The following USP13 variants were observed in gnomAD, a reference collection of about 807,000 sequenced individuals.
USP13 encodes the protein ubiquitin carboxyl-terminal hydrolase 13.
Under a neutral mutation model 107.8 loss-of-function variants are expected in USP13, and 68 were observed. The observed-to-expected ratio is 0.63, with a 90% CI of 0.52 to 0.77. The LOEUF is 0.77. Among genes scored for constraint, USP13 ranks in the 30% least tolerant of loss-of-function variants. USP13 has a pLI of 0.00. For synonymous variants in USP13, 377 were observed against 389.5 expected (o/e 0.97, Z 0.38); for missense variants, 945 against 1,093.3 (o/e 0.86, Z 1.91).
intron 6 of USP13, among the ~76,000 whole-genome samples, chr3:179,717,583 G>C (rs1479889470): frequency 1.3e-5 from 2 of 152,130 alleles, no homozygotes; most frequent in Admixed American, 6.5e-5. Context: ...ATACAGCCCT[G>C]ATCATTAGAG....
At position 179,757,063 on chromosome 3, in the gene USP13, A is replaced by T; in HGVS notation, c.1933A>T (p.Asn645Tyr). 6.2e-7 allele frequency: 1 copy of T among 1,614,052 alleles called. No individual in the cohort carries two copies. Among genetic ancestry groups the T allele is most frequent in the Non-Finnish European group, 8.5e-7 (1 of 1,179,924 alleles). ...CCCTTAATTTCCAGATCGCCTGATG[A>T]ACCAATTGATAGACCGTATGTATCT... is the stretch of plus-strand genomic sequence containing the variant. ...IPDDSKDRLM[N>Y]QLIDPSDIDE... is the part of the protein sequence containing the mutation. Residue 645 changes from asparagine to tyrosine, a missense_variant, in exon 16 of 21, where the codon AAC (asparagine) becomes TAC (tyrosine). Asn to Tyr is a moderately radical substitution (Grantham distance 143, BLOSUM62 -2). Coordinates refer to ENST00000263966, the MANE Select transcript of USP13 (RefSeq NM_003940.3).
At chr3:179,772,101 C>A (rs1486176557) in intron 19 of USP13, among the ~76,000 whole-genome samples, 1 of 152,156 alleles carries the variant, frequency 6.6e-6, no homozygotes, top group African/African-American at 2.4e-5. Flanking sequence ...TTTCCTTTAT[C>A]CCCGATTGAG....
intron 2 of USP13, among the ~76,000 whole-genome samples, chr3:179,682,799 G>GT (rs1327950735): frequency 6.6e-6 from 1 of 152,118 alleles, no homozygotes; most frequent in African/African-American, 2.4e-5. Context: ...TCACCTGGGG[G>GT]TACATGTGCC....
chr3:179,754,864 C>G lies in USP13; in HGVS notation c.1921+10C>G. On this transcript the variant is annotated intron_variant, in intron 15 of 20. Transcript: ENST00000263966. ...CCTGATGACTCAAAAGGTACCATCT[C>G]CTGCCAGGAGAATATGCGCTACCCT... The G allele has an allele frequency of 6.2e-7, 1 of 1,605,986 alleles. No individual in the cohort carries two copies.
At chr3:179,664,925 T>C (rs1720543679) in intron 1 of USP13, among the ~76,000 whole-genome samples, 1 of 152,008 alleles carries the variant, frequency 6.6e-6, no homozygotes, top group Non-Finnish European at 1.5e-5. Flanking sequence ...CCGTCTCTAC[T>C]AAAAATACAA....
chr3:179,688,743 A>G (rs1278733844), intron 2 of USP13, among the ~76,000 whole-genome samples: 1 of 152,218 alleles, frequency 6.6e-6, no homozygotes, highest in African/African-American at 2.4e-5. Context: ...AAATAATTAA[A>G]AGGACACCAT....
At chr3:179,775,568 G>A (rs1180073628) in intron 19 of USP13, among the ~76,000 whole-genome samples, 1 of 152,224 alleles carries the variant, frequency 6.6e-6, no homozygotes, top group Non-Finnish European at 1.5e-5. Context: ...GCGGAGCAGG[G>A]GGCGGTGCCC....
intron 16 of USP13, 80 bp from the exon 17 acceptor site, chr3:179,761,032 G>A (rs772583098): frequency 1.0e-5 from 16 of 1,555,122 alleles, no homozygotes; most frequent in Non-Finnish European, 1.4e-5. Context: ...GGTAGCATGT[G>A]GATAGGAGAG....
intron 3 of USP13, among the ~76,000 whole-genome samples, 195 bp downstream of exon 3, chr3:179,690,496 G>A (rs1712077079): frequency 6.6e-6 from 1 of 152,206 alleles, no homozygotes; most frequent in Admixed American, 6.5e-5. Flanking sequence ...TCTTAGTTGG[G>A]TTTAGTGCTT....
At chr3:179,768,638 C>G (rs1715252632) in intron 19 of USP13, among the ~76,000 whole-genome samples, 1 of 152,188 alleles carries the variant, frequency 6.6e-6, no homozygotes, top group Non-Finnish European at 1.5e-5. Context: ...TACAGAACCA[C>G]AAATGTTTTC....
intron 16 of USP13, among the ~76,000 whole-genome samples, chr3:179,758,463 A>G (rs1011895502): frequency 2.6e-5 from 4 of 151,976 alleles, no homozygotes; most frequent in East Asian, 1.9e-4. Flanking sequence ...AAATAAAACT[A>G]TCTGTCATGA....
intron 1 of USP13, among the ~76,000 whole-genome samples, chr3:179,665,306 G>A (rs1263962446): frequency 6.6e-6 from 1 of 152,158 alleles, no homozygotes; most frequent in Non-Finnish European, 1.5e-5. Flanking sequence ...TCTGGCATGA[G>A]GACATAACCG....
chr3:179,750,861 C>T (rs1443023954), intron 13 of USP13, among the ~76,000 whole-genome samples: 1 of 152,182 alleles, frequency 6.6e-6, no homozygotes, highest in African/African-American at 2.4e-5. Flanking sequence ...AATGAAGTGG[C>T]ATTTTCAAGA....
chr3:179,712,278 A>G (rs1324832027), intron 6 of USP13, among the ~76,000 whole-genome samples: 1 of 152,202 alleles, frequency 6.6e-6, no homozygotes, highest in African/African-American at 2.4e-5. Flanking sequence ...TTCAGTTTTA[A>G]GAAAGTTTTA....
Position 179,699,001 on chromosome 3 carries a change from T to C in USP13, c.356-2007T>C, listed in dbSNP as rs573447628. ...TCCCTGCCTCATCCTCCTGAGTAGCTGGGATTACAGGTGCGTGCCACCACA... is the reference window on the plus strand; with the variant it reads ...TCCCTGCCTCATCCTCCTGAGTAGCCGGGATTACAGGTGCGTGCCACCACA... On this transcript the variant is annotated intron_variant, in intron 3 of 20. Transcript: ENST00000263966. Among the ~76,000 whole-genome samples, 359 of 152,172 alleles carry C rather than the reference T, an allele frequency of 2.4e-3. 1 individual carries two copies. The highest frequency in any genetic ancestry group is 8.4e-3 in the African/African-American group (349 of 41,502).
At chr3:179,740,729 T>C (rs1714162565) in intron 11 of USP13, among the ~76,000 whole-genome samples, 1 of 152,168 alleles carries the variant, frequency 6.6e-6, no homozygotes, top group African/African-American at 2.4e-5. Flanking sequence ...TGCTCAAAGA[T>C]GATGAGTCTG....
intron 10 of USP13, among the ~76,000 whole-genome samples, chr3:179,735,033 AT>A (rs1477662850): frequency 6.6e-6 from 1 of 152,196 alleles, no homozygotes; most frequent in Non-Finnish European, 1.5e-5. Flanking sequence ...CCTCCCTCTA[AT>A]TTTAGCTGAT....
intron 15 of USP13, among the ~76,000 whole-genome samples, chr3:179,756,413 A>AAAC (rs1714798262): frequency 4.7e-5 from 7 of 150,304 alleles, no homozygotes; most frequent in South Asian, 2.1e-4. Flanking sequence ...CTGTCTCAAA[A>AAAC]AAACAAACAA....
intron 13 of USP13, among the ~76,000 whole-genome samples, chr3:179,749,127 A>G (rs887616096): frequency 6.6e-6 from 1 of 152,172 alleles, no homozygotes; most frequent in Admixed American, 6.5e-5. Context: ...AATACTGTAG[A>G]CATCTTAATG....
Sources: allele counts gnomAD v4.1 joint callset (sites outside exome capture counted in the v4.1 genomes callset), GRCh38; gene constraint gnomAD v4.1.1; transcripts MANE v1.5; gene names NCBI Gene and HGNC (gene_info 2026-07-23, HGNC 2026-07-21).